The following NLGN1 variants were observed in gnomAD, a reference collection of about 807,000 sequenced individuals.
NLGN1 encodes the protein neuroligin-1.
A neutral mutation model predicts 65.5 loss-of-function variants in NLGN1; 12 were observed. The observed-to-expected ratio is 0.18, with a 90% confidence interval of 0.12 to 0.30. The LOEUF (loss-of-function observed/expected upper bound fraction) is 0.30. Ranked by LOEUF, NLGN1 falls within the 10% of genes least tolerant of loss-of-function variation. The pLI is 1.00. For synonymous variants in NLGN1, 350 were observed against 359.5 expected (o/e 0.97, Z 0.30); for missense variants, 750 against 1,007.1 (o/e 0.74, Z 3.46).
chr3:173,810,531 G>A (rs1578554588), intron 4 of NLGN1, among the ~76,000 whole-genome samples: 1 of 152,162 alleles, frequency 6.6e-6, no homozygotes. Flanking sequence ...GATTTGAGGC[G>A]ACTGGTTGGA....
At chr3:173,639,231 G>C (rs146300743) in intron 3 of NLGN1, among the ~76,000 whole-genome samples, 1 of 152,312 alleles carries the variant, frequency 6.6e-6, no homozygotes, top group African/African-American at 2.4e-5. Flanking sequence ...CTCAGTTAAG[G>C]CTGCATTCTA....
intron 3 of NLGN1, among the ~76,000 whole-genome samples, chr3:173,645,590 G>T (rs910693763): frequency 6.6e-6 from 1 of 152,144 alleles, no homozygotes. Context: ...TGGGCCTTGT[G>T]GATCCACAAT....
exon 7 of NLGN1, chr3:174,281,003 T>C (rs753483243): frequency 2.5e-6 from 4 of 1,613,318 alleles, no homozygotes; most frequent in East Asian, 2.2e-5. Flanking sequence ...ATCTAACCCA[T>C]GCACAAGAAG....
At chr3:173,789,089 C>T (rs924125254) in intron 3 of NLGN1, among the ~76,000 whole-genome samples, 3 of 151,760 alleles carry the variant, frequency 2.0e-5, no homozygotes, top group Admixed American at 1.3e-4. Flanking sequence ...GTCCCAGCTA[C>T]TCAGGAGGCT....
intron 2 of NLGN1, among the ~76,000 whole-genome samples, chr3:173,461,383 A>AAT (rs1042452552): frequency 2.0e-5 from 3 of 151,916 alleles, no homozygotes; most frequent in Non-Finnish European, 2.9e-5. Flanking sequence ...TTCTTGCATT[A>AAT]ATCATGCACT....
intron 4 of NLGN1, among the ~76,000 whole-genome samples, chr3:173,904,886 A>G (rs544547542): frequency 6.6e-6 from 1 of 152,300 alleles, no homozygotes; most frequent in African/African-American, 2.4e-5. Flanking sequence ...CTGATTATAC[A>G]AGACTGATGA....
intron 4 of NLGN1, among the ~76,000 whole-genome samples, chr3:174,014,317 T>C (rs545780639): frequency 6.6e-6 from 1 of 152,368 alleles, no homozygotes; most frequent in Non-Finnish European, 1.5e-5. Context: ...GACTTCTTAA[T>C]ACACCATTTT....
chr3:173,779,140 G>A (rs1780755900), intron 3 of NLGN1, among the ~76,000 whole-genome samples: 1 of 151,676 alleles, frequency 6.6e-6, no homozygotes, highest in Non-Finnish European at 1.5e-5. Flanking sequence ...AGAAAAAATG[G>A]TATTTTGATA....
At chr3:174,268,712 A>G (rs984980735) in intron 4 of NLGN1, among the ~76,000 whole-genome samples, 9 of 152,102 alleles carry the variant, frequency 5.9e-5, no homozygotes, top group Non-Finnish European at 1.2e-4. Context: ...AACCAAAGAA[A>G]TAGCTATAGG....
chr3:173,536,716 C>G (rs566070174), intron 2 of NLGN1, among the ~76,000 whole-genome samples: 152 of 152,268 alleles, frequency 1.0e-3, no homozygotes, highest in Non-Finnish European at 1.9e-3. Context: ...AGTCAGGACT[C>G]TCCAGATAAT....
chr3:174,152,405 C>A (rs1378649358), intron 4 of NLGN1, among the ~76,000 whole-genome samples: 3 of 151,818 alleles, frequency 2.0e-5, no homozygotes, highest in Non-Finnish European at 4.4e-5. Flanking sequence ...TACAAAAAAA[C>A]AAACACCGCA....
chr3:173,458,958 A>AC, intron 2 of NLGN1, among the ~76,000 whole-genome samples: 1 of 152,184 alleles, frequency 6.6e-6, no homozygotes, highest in African/African-American at 2.4e-5. Flanking sequence ...AGCAGACGCC[A>AC]CTAGAGTATC....
chr3:173,945,920 A>G (rs1747060134), intron 4 of NLGN1, among the ~76,000 whole-genome samples: 1 of 152,226 alleles, frequency 6.6e-6, no homozygotes, highest in Non-Finnish European at 1.5e-5. Flanking sequence ...TAAGGCAGGT[A>G]TCTCCAGGCT....
chr3:174,241,865 A>C (rs1159119125), intron 4 of NLGN1, among the ~76,000 whole-genome samples: 1 of 151,914 alleles, frequency 6.6e-6, no homozygotes, highest in Non-Finnish European at 1.5e-5. Context: ...TCACCGTGTT[A>C]GCCAGGATGG....
At chr3:173,874,445 A>G (rs1464085920) in intron 4 of NLGN1, among the ~76,000 whole-genome samples, 1 of 152,244 alleles carries the variant, frequency 6.6e-6, no homozygotes, top group Non-Finnish European at 1.5e-5. Context: ...TTAAAATTAT[A>G]TGGGCATCCT....
chr3:173,868,283 G>A (rs1044488456), intron 4 of NLGN1, among the ~76,000 whole-genome samples: 1 of 152,128 alleles, frequency 6.6e-6, no homozygotes, highest in African/African-American at 2.4e-5. Flanking sequence ...AGATGTTAGG[G>A]AAGCTATTGA....
At chr3:173,619,993 A>G (rs887594387) in intron 3 of NLGN1, among the ~76,000 whole-genome samples, 5 of 152,138 alleles carry the variant, frequency 3.3e-5, no homozygotes, top group Non-Finnish European at 7.4e-5. Flanking sequence ...ATCAGAGAGT[A>G]CAGTGAGAGA....
chr3:174,023,844 G>A (rs1340290549), intron 4 of NLGN1, among the ~76,000 whole-genome samples: 1 of 152,144 alleles, frequency 6.6e-6, no homozygotes, highest in Non-Finnish European at 1.5e-5. Flanking sequence ...GCAGTCAGCA[G>A]CTGTGGATTT....
intron 2 of NLGN1, among the ~76,000 whole-genome samples, chr3:173,495,346 GCTGT>G (rs1560336695): frequency 6.6e-6 from 1 of 151,522 alleles, no homozygotes; most frequent in East Asian, 1.9e-4. Flanking sequence ...TGATATTTGA[GCTGT>G]CTAAAATTAC....
Sources: allele counts gnomAD v4.1 joint callset (sites outside exome capture counted in the v4.1 genomes callset), GRCh38; gene constraint gnomAD v4.1.1; transcripts MANE v1.5; gene names NCBI Gene and HGNC (gene_info 2026-07-23, HGNC 2026-07-21).